AP2B1: variants seen among roughly 807,000 people sequenced by gnomAD.
AP2B1 encodes the protein AP-2 complex subunit beta.
AP2B1 carries 23 observed loss-of-function variants against 102.0 expected under a neutral mutation model. The observed-to-expected ratio is 0.23, with a 90% CI of 0.16 to 0.32. AP2B1 has a LOEUF of 0.32. AP2B1 is among the 10% of genes least tolerant of loss of function. The probability of loss-of-function intolerance (pLI) is 1.00; values close to 1 mark genes in which losing one functional copy is unlikely to be tolerated. For missense variants in AP2B1, 541 were observed against 1,157.4 expected (o/e 0.47, Z 7.73); for synonymous variants, 381 against 421.2 (o/e 0.90, Z 1.17).
intron 17 of AP2B1, among the ~76,000 whole-genome samples, chr17:35,677,959 A>C (rs1424708718): frequency 6.6e-6 from 1 of 151,654 alleles, no homozygotes; most frequent in Non-Finnish European, 1.5e-5. Flanking sequence ...TCCTGGGTTC[A>C]AGCAGTTCTC....
chr17:35,600,397 T>C (rs2073438295), intron 3 of AP2B1, among the ~76,000 whole-genome samples: 1 of 152,042 alleles, frequency 6.6e-6, no homozygotes, highest in South Asian at 2.1e-4. Flanking sequence ...CTAGTTTTAG[T>C]GTAACATCAA....
At chr17:35,703,060 C>T (rs2076268292) in intron 18 of AP2B1, among the ~76,000 whole-genome samples, 2 of 151,590 alleles carry the variant, frequency 1.3e-5, no homozygotes, top group Admixed American at 6.6e-5. Context: ...ATCATGAGGT[C>T]AGGAGATCGA....
At chr17:35,696,138 C>A (rs587667423) in intron 18 of AP2B1, among the ~76,000 whole-genome samples, 4 of 152,282 alleles carry the variant, frequency 2.6e-5, no homozygotes, top group East Asian at 3.9e-4. Context: ...ATCTGCTACT[C>A]CTCCTCTTCA....
chr17:35,695,109 C>T (rs187662977), intron 18 of AP2B1, among the ~76,000 whole-genome samples: 14 of 152,246 alleles, frequency 9.2e-5, no homozygotes, highest in Non-Finnish European at 1.8e-4. Context: ...GTCAGGCAGG[C>T]TGAAAGGCCT....
intron 9 of AP2B1, among the ~76,000 whole-genome samples, chr17:35,629,294 A>G (rs2074400079): frequency 6.6e-6 from 1 of 151,974 alleles, no homozygotes; most frequent in African/African-American, 2.4e-5. Flanking sequence ...GTGTGTCTTT[A>G]TCATGCCCCT....
At chr17:35,671,015 C>T in intron 15 of AP2B1, 117 bp downstream of exon 15, 1 of 1,042,810 alleles carries the variant, frequency 9.6e-7, no homozygotes. Context: ...ACCAAAACCT[C>T]TATAACAGTA....
chr17:35,614,726 G>A (rs2604844), intron 5 of AP2B1, among the ~76,000 whole-genome samples: 2 of 148,010 alleles, frequency 1.4e-5, no homozygotes, highest in Non-Finnish European at 3.0e-5. Context: ...CATGCTCTCA[G>A]AATAGCCTCA....
rs1218054189 is a variant in AP2B1 at position 35,644,239 on chromosome 17, G to A, written c.1536+2264G>A. On this transcript the variant is annotated intron_variant, in intron 12 of 21. Transcript: ENST00000610402. ...CTGTGCTATGCTTCCTCTCTAGTCT[G>A]AAGGTTAAGAATGACTTGGAGAATA... Among the ~76,000 whole-genome samples the A allele has an allele frequency of 5.9e-5, 9 of 152,336 alleles. No homozygotes were observed. In the South Asian group the frequency reaches 1.7e-3, roughly 28 times the overall value.
At chr17:35,655,867 T>G (rs979587907) in intron 13 of AP2B1, among the ~76,000 whole-genome samples, 7 of 152,226 alleles carry the variant, frequency 4.6e-5, no homozygotes, top group Admixed American at 3.3e-4. Context: ...TAGTTTTAAT[T>G]TGCATTTTCC....
At chr17:35,669,258 C>T (rs2075536639) in intron 14 of AP2B1, among the ~76,000 whole-genome samples, 1 of 151,826 alleles carries the variant, frequency 6.6e-6, no homozygotes, top group Non-Finnish European at 1.5e-5. Context: ...ATGCTCCTGC[C>T]TCAGTCTCCC....
chr17:35,602,454 C>A (rs1014392622), intron 3 of AP2B1, among the ~76,000 whole-genome samples: 4 of 152,152 alleles, frequency 2.6e-5, no homozygotes, highest in African/African-American at 9.7e-5. Flanking sequence ...CAAGTAACCT[C>A]AAGTGCAGCA....
intron 14 of AP2B1, among the ~76,000 whole-genome samples, chr17:35,658,645 G>A (rs1031362420): frequency 1.4e-4 from 21 of 152,058 alleles, no homozygotes; most frequent in African/African-American, 4.8e-4. Context: ...AGAGATTTTT[G>A]TCAACCCAAT....
intron 21 of AP2B1, among the ~76,000 whole-genome samples, chr17:35,719,162 T>C (rs1015627358): frequency 6.6e-6 from 1 of 152,190 alleles, no homozygotes. Context: ...TACACACCCA[T>C]ACTACATTTT....
At chr17:35,599,475 G>A (rs1478169604) in intron 3 of AP2B1, among the ~76,000 whole-genome samples, 1 of 152,186 alleles carries the variant, frequency 6.6e-6, no homozygotes, top group Non-Finnish European at 1.5e-5. Flanking sequence ...GAGATTGGTG[G>A]TGAAATTAAT....
chr17:35,646,059 T>C (rs1316413505), intron 12 of AP2B1, among the ~76,000 whole-genome samples: 1 of 152,220 alleles, frequency 6.6e-6, no homozygotes, highest in Non-Finnish European at 1.5e-5. Context: ...CCCTGGGTTC[T>C]GCACTTTCAG....
intron 1 of AP2B1, among the ~76,000 whole-genome samples, chr17:35,590,174 T>TCGGCCA (rs1183782122): frequency 6.6e-6 from 1 of 152,178 alleles, no homozygotes; most frequent in Non-Finnish European, 1.5e-5. Context: ...TCCGCCCGCC[T>TCGGCCA]CCCAAAGTGC....
chr17:35,596,233 C>T (rs958467186), intron 2 of AP2B1, among the ~76,000 whole-genome samples: 2 of 152,178 alleles, frequency 1.3e-5, no homozygotes, highest in Admixed American at 1.3e-4. Context: ...GCCGTTTGTC[C>T]TTCACTGTTC....
chr17:35,624,377 C>T lies in AP2B1; in HGVS notation c.526-20C>T, dbSNP rs1302607408. On this transcript the variant is annotated intron_variant, in intron 5 of 21. Transcript: ENST00000610402. Reference sequence around the variant, plus strand: ...TGTGCTGTTCTTGGTGAATCAAGGTCATACCCCCTTCTTTTCCAGGTGGTG... The same window carrying T: ...TGTGCTGTTCTTGGTGAATCAAGGTTATACCCCCTTCTTTTCCAGGTGGTG... 2 of 1,612,902 alleles carry T rather than the reference C, an allele frequency of 1.2e-6. No homozygotes were observed. Among genetic ancestry groups the T allele is most frequent in the Admixed American group, 1.7e-5 (1 of 59,904 alleles).
chr17:35,658,264 T>C (rs1410951919), intron 14 of AP2B1, among the ~76,000 whole-genome samples: 1 of 120,472 alleles, frequency 8.3e-6, no homozygotes, highest in Non-Finnish European at 1.6e-5. Flanking sequence ...TGAGGCAGCC[T>C]TTTTTTTTCT....
Sources: gnomAD v4.1 joint callset for allele counts (sites outside exome capture counted in the v4.1 genomes callset) on GRCh38, gnomAD v4.1.1 for gene constraint, MANE v1.5 for transcripts, NCBI Gene and HGNC (gene_info 2026-07-23, HGNC 2026-07-21) for gene names.